CSMD2: variants seen among roughly 807,000 people sequenced by gnomAD.
CSMD2 encodes CUB and sushi domain-containing protein 2.
CSMD2 carries 130 observed loss-of-function variants against 398.5 expected under a neutral mutation model. The observed-to-expected ratio is 0.33, with a 90% CI of 0.28 to 0.38. The LOEUF (loss-of-function observed/expected upper bound fraction) is 0.38. CSMD2 is among the 10% of genes least tolerant of loss of function. The pLI is 1.00. For synonymous variants in CSMD2, 1,828 were observed against 1,908.5 expected, an observed-to-expected ratio of 0.96 and a Z score of 1.10; for missense variants, 3,829 against 4,764.9, an observed-to-expected ratio of 0.80 and a Z score of 5.78.
At chr1:33,918,412 A>G (rs1490980917) in intron 4 of CSMD2, 111 bp from the exon 5 acceptor site, 20 of 877,222 alleles carry the variant, frequency 2.3e-5, no homozygotes, top group Non-Finnish European at 3.3e-5. Flanking sequence ...AGTACAATTC[A>G]CAGTTTGTGG....
chr1:33,653,179 C>T (rs1455914819), intron 27 of CSMD2, among the ~76,000 whole-genome samples: 8 of 152,200 alleles, frequency 5.3e-5, no homozygotes, highest in Admixed American at 5.2e-4. Context: ...ACAATATCTT[C>T]TCTGTGGGGT....
intron 1 of CSMD2, chr1:34,112,967 C>T (rs1661236235): frequency 1.3e-5 from 2 of 152,314 alleles, no homozygotes; most frequent in Admixed American, 6.5e-5. Context: ...CCATACCACC[C>T]TGAACGTGCC....
intron 12 of CSMD2, among the ~76,000 whole-genome samples, chr1:33,780,150 C>T (rs1454028272): frequency 1.3e-5 from 2 of 152,142 alleles, no homozygotes; most frequent in Non-Finnish European, 2.9e-5. Flanking sequence ...CGCATCCCTT[C>T]CACTCTTTGT....
intron 4 of CSMD2, among the ~76,000 whole-genome samples, chr1:33,925,533 T>C (rs1644098025): frequency 6.6e-6 from 1 of 152,212 alleles, no homozygotes; most frequent in African/African-American, 2.4e-5. Flanking sequence ...TCAGGCTTTT[T>C]TGTTGTTCCT....
intron 1 of CSMD2, among the ~76,000 whole-genome samples, chr1:34,123,557 A>C (rs1167172594): frequency 6.6e-6 from 1 of 152,104 alleles, no homozygotes; most frequent in Non-Finnish European, 1.5e-5. Flanking sequence ...CTTGAAGCCA[A>C]TTGGTCAGAA....
intron 4 of CSMD2, among the ~76,000 whole-genome samples, chr1:33,925,642 C>G (rs1644101871): frequency 6.6e-6 from 1 of 152,252 alleles, no homozygotes; most frequent in Admixed American, 6.5e-5. Flanking sequence ...CAGCCTCTGT[C>G]CATTCTTCAC....
intron 39 of CSMD2, 113 bp from the exon 40 acceptor site, chr1:33,614,733 A>T: frequency 1.6e-6 from 1 of 630,296 alleles, no homozygotes; most frequent in East Asian, 2.8e-5. Context: ...CATGAGTCAT[A>T]TAGCCCCTTG....
chr1:33,977,174 G>A (rs1042717243), intron 3 of CSMD2, among the ~76,000 whole-genome samples: 4 of 152,144 alleles, frequency 2.6e-5, no homozygotes, highest in South Asian at 2.1e-4. Context: ...ACAGCTGGCC[G>A]GGAATGACTA....
chr1:34,064,608 C>A (rs1483240463), intron 2 of CSMD2, among the ~76,000 whole-genome samples: 1 of 152,176 alleles, frequency 6.6e-6, no homozygotes, highest in Admixed American at 6.5e-5. Context: ...CTAGGAGGTT[C>A]CAAAGTTTCA....
intron 22 of CSMD2, among the ~76,000 whole-genome samples, chr1:33,704,903 C>T (rs1391937758): frequency 6.6e-6 from 1 of 151,818 alleles, no homozygotes; most frequent in Non-Finnish European, 1.5e-5. Context: ...GCTGGGACTA[C>T]AGGCACCCGC....
chr1:33,592,380 G>A (rs1639519668), intron 44 of CSMD2: 1 of 715,444 alleles, frequency 1.4e-6, no homozygotes, highest in East Asian at 2.7e-5. Flanking sequence ...ACATCTGATT[G>A]CCCCTGCTGC....
At chr1:33,825,425 G>A (rs991320087) in intron 7 of CSMD2, among the ~76,000 whole-genome samples, 8 of 152,230 alleles carry the variant, frequency 5.3e-5, no homozygotes, top group Non-Finnish European at 8.8e-5. Flanking sequence ...AAATGTAGCA[G>A]TAATGACTCC....
intron 5 of CSMD2, among the ~76,000 whole-genome samples, chr1:33,880,995 T>C (rs1343000828): frequency 6.7e-6 from 1 of 148,750 alleles, no homozygotes; most frequent in South Asian, 2.1e-4. Context: ...AATATATTTA[T>C]GATGCCCAGG....
chr1:33,759,650 C>T (rs1440535780), intron 13 of CSMD2, among the ~76,000 whole-genome samples: 1 of 151,806 alleles, frequency 6.6e-6, no homozygotes, highest in East Asian at 1.9e-4. Context: ...AAGTCAGTGA[C>T]AAGTAAGAAA....
At chr1:33,771,318 C>T (rs1368370092) in intron 13 of CSMD2, among the ~76,000 whole-genome samples, 1 of 152,214 alleles carries the variant, frequency 6.6e-6, no homozygotes, top group Non-Finnish European at 1.5e-5. Flanking sequence ...CTGCTCCCTG[C>T]TCCTCCAGGT....
chr1:33,901,997 C>T (rs1410770969), intron 5 of CSMD2, among the ~76,000 whole-genome samples: 1 of 152,120 alleles, frequency 6.6e-6, no homozygotes, highest in African/African-American at 2.4e-5. Flanking sequence ...AAACTTAAAT[C>T]TATTTCAGAA....
chr1:33,973,260 C>G (rs1346252325), intron 3 of CSMD2, among the ~76,000 whole-genome samples: 1 of 152,192 alleles, frequency 6.6e-6, no homozygotes, highest in South Asian at 2.1e-4. Context: ...GAAGAACACT[C>G]AATGCCAGTA....
chr1:33,792,626 CAG>C (rs1399036015), intron 10 of CSMD2, 100 bp from the exon 11 acceptor site: 1 of 768,634 alleles, frequency 1.3e-6, no homozygotes, highest in Non-Finnish European at 2.3e-6. Flanking sequence ...TCCCAATGCT[CAG>C]AGTCACTGGT....
intron 13 of CSMD2, 24 bp downstream of exon 13, chr1:33,772,545 G>A (rs76405888): frequency 0.086 from 136,738 of 1,599,082 alleles, 6,734 homozygotes; most frequent in South Asian, 0.16. Context: ...AGACCCTGGC[G>A]TGGCCTCCTC....
Sources: allele counts gnomAD v4.1 joint callset (sites outside exome capture counted in the v4.1 genomes callset), GRCh38; gene constraint gnomAD v4.1.1; transcripts MANE v1.5; gene names NCBI Gene and HGNC (gene_info 2026-07-23, HGNC 2026-07-21).